Variants in HTATIP2 observed in about 807,000 individuals in gnomAD.
HTATIP2 encodes HIV-1 Tat interactive protein 2.
In HTATIP2, 26 loss-of-function variants were observed where a neutral mutation model predicts 24.7. The observed-to-expected ratio is 1.05, with a 90% CI of 0.77 to 1.46. The LOEUF (loss-of-function observed/expected upper bound fraction) is 1.46, where lower values mean the gene tolerates loss of function less well. Ranked by LOEUF, HTATIP2 falls within the 40% of genes most tolerant of loss-of-function variation. The pLI is 0.00. For synonymous variants in HTATIP2, 99 were observed against 113.2 expected (o/e 0.87, Z 0.79); for missense variants, 284 against 289.6 (o/e 0.98, Z 0.14).
chr11:20,367,608 G>T, intron 2 of HTATIP2: 1 of 1,310,896 alleles, frequency 7.6e-7, no homozygotes, highest in South Asian at 2.3e-5. Flanking sequence ...GGTTTATGCT[G>T]TTAACAATCA....
Position 20,383,084 on chromosome 11 carries a change from T to G in HTATIP2, c.608T>G (p.Val203Gly), listed in dbSNP as rs965975054. 1.2e-6 allele frequency: 2 copies of G among 1,613,976 alleles called. No individual in the cohort carries two copies. Among genetic ancestry groups the G allele is most frequent in the Non-Finnish European group, 1.7e-6 (2 of 1,179,986 alleles). The change falls in exon 5 of 5, where the codon GTG (valine) becomes GGG (glycine). Residue 203 changes from valine to glycine, a missense_variant. Physicochemically the swap from Val to Gly is moderately radical, Grantham distance 109 (BLOSUM62 -3). Transcript: ENST00000451739. ...TGGGCCAGTGGGCATTCTGTGCCTG[T>G]GGTGACCGTGGTTAGAGCAATGCTG... The part of the protein sequence containing the change: ...DSWASGHSVP[V>G]VTVVRAMLNN...
chr11:20,372,599 A>G (rs2064783082), intron 2 of HTATIP2, among the ~76,000 whole-genome samples: 1 of 152,226 alleles, frequency 6.6e-6, no homozygotes, highest in Non-Finnish European at 1.5e-5. Flanking sequence ...AGCAGGACAC[A>G]TTGGCTATGG....
At chr11:20,378,358 C>G (rs1848473903) in intron 3 of HTATIP2, among the ~76,000 whole-genome samples, 1 of 152,006 alleles carries the variant, frequency 6.6e-6, no homozygotes, top group African/African-American at 2.4e-5. Context: ...GGTTGAAGTG[C>G]AGTGGTGCGG....
At chr11:20,369,065 G>T (rs1447433167) in intron 2 of HTATIP2, among the ~76,000 whole-genome samples, 1 of 152,014 alleles carries the variant, frequency 6.6e-6, no homozygotes, top group Admixed American at 6.6e-5. Context: ...TTTGTTTTGG[G>T]GGCTTTAAAA....
chr11:20,380,460 C>G (rs1848501289), intron 3 of HTATIP2, among the ~76,000 whole-genome samples: 1 of 152,122 alleles, frequency 6.6e-6, no homozygotes, highest in East Asian at 1.9e-4. Context: ...ATCACGAGGT[C>G]AGGAGATTGA....
chr11:20,377,463 TG>T (rs1035835303), intron 3 of HTATIP2, among the ~76,000 whole-genome samples: 15 of 152,376 alleles, frequency 9.8e-5, no homozygotes, highest in African/African-American at 3.6e-4. Context: ...TACATATCCC[TG>T]TTTATTTTAA....
intron 3 of HTATIP2, among the ~76,000 whole-genome samples, chr11:20,378,974 C>T (rs1338959258): frequency 6.6e-6 from 1 of 152,100 alleles, no homozygotes; most frequent in Non-Finnish European, 1.5e-5. Context: ...GAAGCAGAGG[C>T]TGCAGTGAGC....
intron 2 of HTATIP2, among the ~76,000 whole-genome samples, chr11:20,375,273 A>AT (rs949940058): frequency 3.9e-5 from 6 of 152,076 alleles, no homozygotes; most frequent in African/African-American, 1.4e-4. Flanking sequence ...AAATTTTTTA[A>AT]TTAAAAAAAA....
At chr11:20,377,630 G>A (rs1037508351) in intron 3 of HTATIP2, among the ~76,000 whole-genome samples, 3 of 152,194 alleles carry the variant, frequency 2.0e-5, no homozygotes, top group Non-Finnish European at 4.4e-5. Context: ...TTTCCTATGT[G>A]AAGTCCTTTT....
intron 2 of HTATIP2, chr11:20,367,522 A>G: frequency 7.0e-7 from 1 of 1,435,036 alleles, no homozygotes; most frequent in Non-Finnish European, 9.1e-7. Context: ...TATTTACATG[A>G]TTTTGCCTAT....
chr11:20,364,656 T>C (rs1165564980), intron 1 of HTATIP2, among the ~76,000 whole-genome samples: 1 of 152,144 alleles, frequency 6.6e-6, no homozygotes, highest in Non-Finnish European at 1.5e-5. Flanking sequence ...GGCAAAGCCC[T>C]TCTCTCCATC....
chr11:20,370,413 T>C (rs1487146703), intron 2 of HTATIP2, among the ~76,000 whole-genome samples: 1 of 152,208 alleles, frequency 6.6e-6, no homozygotes, highest in African/African-American at 2.4e-5. Flanking sequence ...CACCTTTTCA[T>C]TTGTTTCCTC....
At chr11:20,378,566 G>T (rs1848476596) in intron 3 of HTATIP2, among the ~76,000 whole-genome samples, 1 of 152,142 alleles carries the variant, frequency 6.6e-6, no homozygotes, top group Non-Finnish European at 1.5e-5. Context: ...TTTTAGGAAA[G>T]AAAATATACA....
chr11:20,367,920 G>C (rs1474623242), intron 2 of HTATIP2, among the ~76,000 whole-genome samples: 1 of 152,136 alleles, frequency 6.6e-6, no homozygotes, highest in Admixed American at 6.5e-5. Flanking sequence ...AGAAATCAGA[G>C]TTTACTACCT....
At chr11:20,371,588 T>C (rs1842352174) in intron 2 of HTATIP2, among the ~76,000 whole-genome samples, 1 of 151,164 alleles carries the variant, frequency 6.6e-6, no homozygotes, top group Non-Finnish European at 1.5e-5. Context: ...TGCGCCACCA[T>C]GGCTGGCTAA....
chr11:20,382,113 C>A, intron 3 of HTATIP2, 65 bp from the exon 4 acceptor site: 1 of 966,960 alleles, frequency 1.0e-6, no homozygotes, highest in Non-Finnish European at 1.7e-6. Flanking sequence ...AAATTATTCT[C>A]TCTTAAACTT....
intron 3 of HTATIP2, among the ~76,000 whole-genome samples, chr11:20,378,033 C>T (rs187197256): frequency 5.1e-4 from 78 of 152,130 alleles, no homozygotes; most frequent in African/African-American, 1.8e-3. Flanking sequence ...ATTCATGCTC[C>T]GAACACTATG....
chr11:20,383,009 G>A lies in HTATIP2; in HGVS notation c.533G>A (p.Arg178His), dbSNP rs778154551. The change falls in exon 5 of 5, where the codon CGC becomes CAC. Residue 178 changes from arginine (R) to histidine (H), a missense_variant. Transcript: ENST00000451739. ...GVLLCDRQES[R>H]PGEWLVRKFF... The stretch of plus-strand genomic sequence containing the variant: ...CTGTTATGTGATAGGCAAGAATCTC[G>A]CCCAGGTGAATGGCTGGTTAGAAAG... 1.4e-5 allele frequency: 22 copies of A among 1,611,120 alleles called. No homozygotes were observed. The highest frequency in any genetic ancestry group is 6.6e-5 in the South Asian group (6 of 90,984).
At chr11:20,373,441 T>C (rs954716230) in intron 2 of HTATIP2, among the ~76,000 whole-genome samples, 5 of 152,240 alleles carry the variant, frequency 3.3e-5, no homozygotes, top group African/African-American at 1.2e-4. Flanking sequence ...AGGGTCTCAG[T>C]TTAATCAAAT....
Sources: allele counts gnomAD v4.1 joint callset (sites outside exome capture counted in the v4.1 genomes callset), GRCh38; gene constraint gnomAD v4.1.1; transcripts MANE v1.5; gene names NCBI Gene and HGNC (gene_info 2026-07-23, HGNC 2026-07-21).